GUK1: variants seen among roughly 807,000 people sequenced by gnomAD.
The protein encoded by GUK1 is guanylate kinase 1.
In GUK1, 18 loss-of-function variants were observed where a neutral mutation model predicts 25.2. The ratio of observed to expected loss-of-function variants is 0.71; its 90% CI spans 0.49 to 1.06. The LOEUF is 1.06. Among genes scored for constraint, GUK1 ranks in the 50% least tolerant of loss-of-function variants. GUK1 has a pLI of 0.00. For missense variants in GUK1, 261 were observed against 276.7 expected, an observed-to-expected ratio of 0.94 and a Z score of 0.40; for synonymous variants, 105 against 117.6, an observed-to-expected ratio of 0.89 and a Z score of 0.69.
intron 1 of GUK1, 145 bp downstream of exon 1, chr1:228,140,508 A>C: frequency 2.6e-5 from 17 of 645,664 alleles, no homozygotes; most frequent in Non-Finnish European, 3.7e-5. Flanking sequence ...GGCCCTGAGA[A>C]CGGGGGAGCT....
intron 2 of GUK1, chr1:228,141,913 C>A: frequency 2.0e-6 from 1 of 500,784 alleles, no homozygotes; most frequent in Non-Finnish European, 2.9e-6. Flanking sequence ...GTGGAGAGCA[C>A]AGAATGTTTG....
Position 228,147,694 on chromosome 1 carries a change from A to G in GUK1, c.470A>G (p.Glu157Gly). 6.2e-7 allele frequency: 1 copy of G among 1,612,588 alleles called. No homozygotes were observed. The highest frequency in any genetic ancestry group is 1.1e-5 in the South Asian group (1 of 91,064). The change falls in exon 7 of 9, where the codon GAG becomes GGG. Residue 157 changes from glutamate (E) to glycine (G), a missense_variant. Transcript: ENST00000312726. ...CTGGCTGCTGCCCAGGCCGACATGGAGAGCAGTGAGTGTGCCGTGGGATCA... is the reference window on the plus strand; with the variant it reads ...CTGGCTGCTGCCCAGGCCGACATGGGGAGCAGTGAGTGTGCCGTGGGATCA...
chr1:228,141,268 A>G lies in GUK1; in HGVS notation c.-23A>G. On this transcript the variant is annotated 5_prime_UTR_variant, in exon 2 of 9. Transcript: ENST00000312726. ...GCCTTCACTCCTCTGTGGCTCTGGA[A>G]GAGCCCGATTTCCTCAGGAGGTAAA... is the stretch of plus-strand genomic sequence containing the variant. 1.0e-6 allele frequency: 1 copy of G among 984,876 alleles called. No individual in the cohort carries two copies. The highest frequency in any genetic ancestry group is 1.2e-6 in the Non-Finnish European group (1 of 829,266). 61.0% of individuals were successfully genotyped at this position (984,876 alleles called of 1,614,324 possible). A position where few individuals can be genotyped will look rare whatever the true frequency, so the allele number is the denominator to read the frequency against.
intron 2 of GUK1, among the ~76,000 whole-genome samples, chr1:228,143,202 G>T (rs1331828342): frequency 6.6e-6 from 1 of 152,126 alleles, no homozygotes; most frequent in African/African-American, 2.4e-5. Context: ...GGGCTGGGGG[G>T]AACAGGGCAG....
intron 2 of GUK1, among the ~76,000 whole-genome samples, chr1:228,143,967 C>T (rs542986167): frequency 1.3e-5 from 2 of 152,250 alleles, no homozygotes; most frequent in African/African-American, 2.4e-5. Context: ...GTCTTTTTAA[C>T]TGGGGGTCCG....
rs747979264 is a variant in GUK1 at position 228,147,659 on chromosome 1, G to A, written c.435G>A (p.Leu145=). 5.4e-5 allele frequency: 87 copies of A among 1,612,918 alleles called. No homozygotes were observed. The highest frequency in any genetic ancestry group is 6.9e-5 in the Non-Finnish European group (81 of 1,179,994). ...GCAACACTGAAACCGAGGAGAGCCT[G>A]GTGAAGCGGCTGGCTGCTGCCCAGG... The change falls in exon 7 of 9, where the codon CTG becomes CTA. Residue 145 remains leucine (L), a synonymous_variant. Transcript: ENST00000312726.
intron 2 of GUK1, chr1:228,141,627 C>T: frequency 8.4e-7 from 1 of 1,192,432 alleles, no homozygotes; most frequent in Non-Finnish European, 1.1e-6. Flanking sequence ...TCTGTTCAGT[C>T]CTTAGGATGG....
At chr1:228,146,452 C>G in intron 4 of GUK1, 1 of 434,716 alleles carries the variant, frequency 2.3e-6, no homozygotes, top group East Asian at 3.9e-5. Flanking sequence ...CCCAACAGCA[C>G]CCCCGCCCCT....
chr1:228,148,265 C>T lies in GUK1; in HGVS notation c.476-106C>T, dbSNP rs753986009. On this transcript the variant is annotated intron_variant, in intron 7 of 8. Coordinates refer to ENST00000312726, the MANE Select transcript of GUK1 (RefSeq NM_000858.7). ...CTGGGCTGGAAAGCTGTCCCACAGC[C>T]GCAGTGAGGACAGCCGCAGGCCAGT... 2.8e-4 allele frequency: 232 copies of T among 840,508 alleles called. 1 individual carries two copies. Among genetic ancestry groups the T allele is most frequent in the Middle Eastern group, 2.8e-4 (1 of 3,562 alleles). 52.1% of individuals were successfully genotyped at this position (840,508 alleles called of 1,614,324 possible). A position where few individuals can be genotyped will look rare whatever the true frequency, so the allele number is the denominator to read the frequency against.
chr1:228,148,032 T>C, intron 7 of GUK1: 4 of 578,226 alleles, frequency 6.9e-6, no homozygotes, highest in Non-Finnish European at 1.2e-5. Context: ...CTCTTACAGC[T>C]GTTGCCTCTT....
intron 5 of GUK1, 70 bp from the exon 5 acceptor site, chr1:228,147,335 TG>T (rs1425975232): frequency 6.8e-7 from 1 of 1,462,580 alleles, no homozygotes; most frequent in Admixed American, 1.8e-5. Flanking sequence ...CGGGAGGGCC[TG>T]GGTGTCCCTG....
chr1:228,148,736 G>A lies in GUK1; in HGVS notation c.*39G>A, dbSNP rs769014755. On this transcript the variant is annotated 3_prime_UTR_variant, in exon 9 of 9. Transcript: ENST00000312726. Reference sequence around the variant, plus strand: ...TTCTCGGCACCCCGGGCCCATACAGGACCAGGGCAGCAGCATTGAGCCACC... The same window carrying A: ...TTCTCGGCACCCCGGGCCCATACAGAACCAGGGCAGCAGCATTGAGCCACC... 1 of 1,610,906 alleles carries A rather than the reference G, an allele frequency of 6.2e-7. No homozygotes were observed. The highest frequency in any genetic ancestry group is 1.7e-5 in the Admixed American group (1 of 60,018).
rs371029606 is a variant in GUK1 at position 228,147,604 on chromosome 1, C to G, written c.391-11C>G. ...GGGCATGCCAGGCTCTGATTGCCAC[C>G]CCCTTTTTAGGAGCAGCGGCTGCGG... is the stretch of plus-strand genomic sequence containing the variant. On this transcript the variant is annotated splice_polypyrimidine_tract_variant and intron_variant, in intron 6 of 8. Transcript: ENST00000312726. The G allele has an allele frequency of 8.1e-6, 13 of 1,613,012 alleles. No homozygotes were observed. Among genetic ancestry groups the G allele is most frequent in the Admixed American group, 3.3e-5 (2 of 59,992 alleles).
At chr1:228,146,568 A>T in intron 4 of GUK1, 1 of 489,714 alleles carries the variant, frequency 2.0e-6, no homozygotes, top group Non-Finnish European at 3.7e-6. Context: ...GTTGGTCTCC[A>T]GTCCCCACCC....
intron 2 of GUK1, chr1:228,144,651 G>C (rs781479199): frequency 9.4e-5 from 84 of 889,078 alleles, no homozygotes; most frequent in Non-Finnish European, 1.1e-4. Context: ...GGTGGGGCCA[G>C]AAGCAGGCGT....
chr1:228,147,396 C>T lies in GUK1; in HGVS notation c.252-10C>T. The T allele has an allele frequency of 1.2e-6, 2 of 1,607,548 alleles. No individual in the cohort carries two copies. Reference sequence around the variant, plus strand: ...CCTGGCACCCCTGCTGACCTGGCACCTCTCCCCAGCAAGGTGGCGGTGCAG... The same window carrying T: ...CCTGGCACCCCTGCTGACCTGGCACTTCTCCCCAGCAAGGTGGCGGTGCAG... On this transcript the variant is annotated splice_polypyrimidine_tract_variant and intron_variant, in intron 5 of 8. Transcript: ENST00000312726.
upstream of GUK1, chr1:228,140,235 C>T (rs775685415): frequency 4.1e-5 from 54 of 1,330,464 alleles, no homozygotes; most frequent in Middle Eastern, 5.4e-4. Flanking sequence ...GTCAGTCTCG[C>T]GCGCGGGCGG....
intron 1 of GUK1, 60 bp downstream of exon 1, chr1:228,140,423 G>A (rs1333009451): frequency 3.2e-6 from 4 of 1,249,550 alleles, no homozygotes; most frequent in Non-Finnish European, 4.3e-6. Flanking sequence ...CGGTCCCTGC[G>A]CTTTGCGGTC....
chr1:228,146,539 C>T, intron 4 of GUK1: 1 of 480,962 alleles, frequency 2.1e-6, no homozygotes, highest in African/African-American at 1.9e-5. Flanking sequence ...AGTTCCCCCA[C>T]CACCTTCCCC....
Sources: gnomAD v4.1 joint callset for allele counts (sites outside exome capture counted in the v4.1 genomes callset) on GRCh38, gnomAD v4.1.1 for gene constraint, MANE v1.5 for transcripts, NCBI Gene and HGNC (gene_info 2026-07-23, HGNC 2026-07-21) for gene names.